Variants in ADAMTS18 observed in about 807,000 individuals in gnomAD.
ADAMTS18 encodes the protein A disintegrin and metalloproteinase with thrombospondin motifs 18.
ADAMTS18 carries 157 observed loss-of-function variants against 165.9 expected under a neutral mutation model. The observed-to-expected ratio is 0.95, with a 90% confidence interval of 0.83 to 1.08. The LOEUF is 1.08. ADAMTS18 is among the 50% of genes least tolerant of loss of function. The pLI is 0.00. For missense variants in ADAMTS18, 2,040 were observed against 1,534.0 expected, an observed-to-expected ratio of 1.33 and a Z score of -5.51; for synonymous variants, 782 against 578.2, an observed-to-expected ratio of 1.35 and a Z score of -5.06.
At chr16:77,388,659 C>T (rs2057143160) in intron 3 of ADAMTS18, among the ~76,000 whole-genome samples, 1 of 152,144 alleles carries the variant, frequency 6.6e-6, no homozygotes, top group Admixed American at 6.5e-5. Context: ...TACAATAATG[C>T]CTGCCACACA....
intron 21 of ADAMTS18, chr16:77,290,524 G>A (rs2055341620): frequency 6.6e-6 from 1 of 152,346 alleles, no homozygotes; most frequent in Non-Finnish European, 1.5e-5. Context: ...TCATCCATGT[G>A]TTGGTTTCCA....
At chr16:77,320,454 T>C (rs2055975519) in intron 15 of ADAMTS18, among the ~76,000 whole-genome samples, 1 of 152,032 alleles carries the variant, frequency 6.6e-6, no homozygotes, top group Non-Finnish European at 1.5e-5. Context: ...GCCTGGCCAG[T>C]GTGGTGAAAC....
At chr16:77,365,458 T>A (rs188991973) in intron 4 of ADAMTS18, among the ~76,000 whole-genome samples, 165 of 152,320 alleles carry the variant, frequency 1.1e-3, no homozygotes, top group African/African-American at 3.9e-3. Context: ...TAAGAAGCAC[T>A]CAGTAAGAAC....
intron 3 of ADAMTS18, among the ~76,000 whole-genome samples, chr16:77,396,644 A>G (rs1008125946): frequency 6.6e-6 from 1 of 152,224 alleles, no homozygotes; most frequent in African/African-American, 2.4e-5. Context: ...TCCAGCAGAC[A>G]GGGGAAATCC....
chr16:77,289,547 T>G, intron 21 of ADAMTS18, 136 bp from the exon 22 acceptor site: 1 of 982,332 alleles, frequency 1.0e-6, no homozygotes, highest in Non-Finnish European at 1.6e-6. Flanking sequence ...CAGGCACATG[T>G]GCTTACAGTC....
At chr16:77,371,169 C>A (rs1473557968) in intron 3 of ADAMTS18, among the ~76,000 whole-genome samples, 1 of 151,894 alleles carries the variant, frequency 6.6e-6, no homozygotes, top group African/African-American at 2.4e-5. Flanking sequence ...GGGCCGAAAT[C>A]ATTCTATTGC....
At chr16:77,398,133 A>G (rs541358627) in intron 3 of ADAMTS18, among the ~76,000 whole-genome samples, 123 of 152,266 alleles carry the variant, frequency 8.1e-4, no homozygotes, top group African/African-American at 2.9e-3. Flanking sequence ...CCTGGCCAAC[A>G]TGATGAAATA....
At chr16:77,407,868 G>A (rs546721819) in intron 3 of ADAMTS18, among the ~76,000 whole-genome samples, 107 of 152,088 alleles carry the variant, frequency 7.0e-4, no homozygotes, top group African/African-American at 2.4e-3. Context: ...TCATGATCTT[G>A]GATGTAAGAA....
intron 3 of ADAMTS18, among the ~76,000 whole-genome samples, chr16:77,425,746 A>C (rs920914891): frequency 6.6e-6 from 1 of 152,136 alleles, no homozygotes; most frequent in African/African-American, 2.4e-5. Flanking sequence ...GTGTGGTTCA[A>C]AAAGAGGAGG....
rs866969314 is a variant in ADAMTS18, at chr16:77,358,757, T to G, written c.1322+561A>C. Among the ~76,000 whole-genome samples, 5 of 152,304 alleles carry G rather than the reference T, an allele frequency of 3.3e-5. No individual in the cohort carries two copies. The South Asian group carries it at 1.0e-3, about 32-fold the overall frequency. ...TGGTATATCTGAAGAGTACTACACA[T>G]TGAAATAATTATTTTGTAAAGTATT... is the stretch of plus-strand genomic sequence containing the variant. On this transcript the variant is annotated intron_variant, in intron 8 of 22. Transcript: ENST00000282849.
intron 13 of ADAMTS18, among the ~76,000 whole-genome samples, chr16:77,323,934 G>A (rs999772685): frequency 6.6e-6 from 1 of 152,184 alleles, no homozygotes; most frequent in Non-Finnish European, 1.5e-5. Flanking sequence ...GAATGAAATT[G>A]CATGCTCCCT....
At chr16:77,417,259 T>G (rs1470201780) in intron 3 of ADAMTS18, among the ~76,000 whole-genome samples, 3 of 151,798 alleles carry the variant, frequency 2.0e-5, no homozygotes, top group African/African-American at 7.3e-5. Context: ...AATGGGAGGA[T>G]AGGTGGGTGG....
At chr16:77,339,306 A>T (rs1316115691) in intron 11 of ADAMTS18, among the ~76,000 whole-genome samples, 1 of 152,114 alleles carries the variant, frequency 6.6e-6, no homozygotes, top group Non-Finnish European at 1.5e-5. Flanking sequence ...GTTGAGGGTG[A>T]CATTACACTT....
intron 2 of ADAMTS18, chr16:77,432,566 G>C (rs555772157): frequency 6.6e-6 from 1 of 152,266 alleles, no homozygotes; most frequent in South Asian, 2.1e-4. Context: ...AAATGATTTG[G>C]AATATGCCCT....
intron 10 of ADAMTS18, among the ~76,000 whole-genome samples, chr16:77,342,329 G>A (rs2056410909): frequency 6.6e-6 from 1 of 152,174 alleles, no homozygotes; most frequent in Non-Finnish European, 1.5e-5. Context: ...CCTGGCACAT[G>A]CAGTTCTCAA....
At chr16:77,363,965 G>A (rs1014243493) in intron 5 of ADAMTS18, 80 bp from the exon 6 acceptor site, 25 of 1,371,886 alleles carry the variant, frequency 1.8e-5, no homozygotes, top group Admixed American at 6.9e-5. Context: ...ATTGACTGAA[G>A]TACGCAGGCT....
chr16:77,283,802 G>A lies in ADAMTS18; in HGVS notation c.*154C>T, dbSNP rs897640157. The A allele has an allele frequency of 1.6e-6, 1 of 642,902 alleles. No homozygotes were observed. Among genetic ancestry groups the A allele is most frequent in the East Asian group, 2.8e-5 (1 of 35,898 alleles). The allele number at this position is 642,902 out of a possible 1,614,324, so 39.8% of individuals were successfully genotyped here. A position where few individuals can be genotyped will look rare whatever the true frequency, so the allele number is the denominator to read the frequency against. ...CAGGGAATTGAGCTAGAAGCCTACTGGCAACCTGTCTGTTCCTCAGAGCAG... is the reference window on the plus strand; with the variant it reads ...CAGGGAATTGAGCTAGAAGCCTACTAGCAACCTGTCTGTTCCTCAGAGCAG... On this transcript the variant is annotated 3_prime_UTR_variant, in exon 23 of 23. Coordinates refer to ENST00000282849, the MANE Select transcript of ADAMTS18 (RefSeq NM_199355.4).
chr16:77,343,455 G>A (rs1292996747), intron 10 of ADAMTS18, among the ~76,000 whole-genome samples: 7 of 152,234 alleles, frequency 4.6e-5, no homozygotes, highest in African/African-American at 1.7e-4. Flanking sequence ...TAAGTTTGTG[G>A]AAATTTATTT....
chr16:77,343,485 T>C (rs895429983), intron 10 of ADAMTS18, among the ~76,000 whole-genome samples: 1 of 152,268 alleles, frequency 6.6e-6, no homozygotes, highest in African/African-American at 2.4e-5. Context: ...ACTAATACTT[T>C]TACTACCATT....
Sources: gnomAD v4.1 joint callset for allele counts (sites outside exome capture counted in the v4.1 genomes callset) on GRCh38, gnomAD v4.1.1 for gene constraint, MANE v1.5 for transcripts, NCBI Gene and HGNC (gene_info 2026-07-23, HGNC 2026-07-21) for gene names.